Variants in PARVB observed in about 807,000 individuals in gnomAD.
PARVB encodes the protein parvin beta, also known as beta-parvin.
In PARVB, 46 loss-of-function variants were observed where a neutral mutation model predicts 47.0. The observed-to-expected ratio is 0.98, with a 90% CI of 0.77 to 1.25. PARVB has a LOEUF of 1.25. PARVB is among the 50% of genes most tolerant of loss of function. The pLI, the probability that PARVB is intolerant of heterozygous loss-of-function variation, is 0.00. For missense variants in PARVB, 473 were observed against 471.6 expected (o/e 1.00, Z -0.03); for synonymous variants, 196 against 196.3 (o/e 1.00, Z 0.01).
intron 8 of PARVB, chr22:44,140,453 G>A: frequency 1.5e-6 from 1 of 680,132 alleles, no homozygotes; most frequent in Non-Finnish European, 2.8e-6. Context: ...TGGAGCAAGA[G>A]TGGTTGAGGG....
intron 2 of PARVB, 71 bp from the exon 3 acceptor site, chr22:44,099,982 C>A: frequency 1.6e-6 from 2 of 1,248,758 alleles, no homozygotes; most frequent in Non-Finnish European, 2.4e-6. Context: ...GATGAGTTGG[C>A]CTCCCCCTGG....
intron 10 of PARVB, among the ~76,000 whole-genome samples, chr22:44,157,043 T>C (rs1460315814): frequency 6.6e-6 from 1 of 152,242 alleles, no homozygotes; most frequent in Non-Finnish European, 1.5e-5. Context: ...GTATATTTTA[T>C]CACAATAAAA....
intron 10 of PARVB, among the ~76,000 whole-genome samples, chr22:44,156,021 G>A (rs1414190995): frequency 6.6e-6 from 1 of 152,022 alleles, no homozygotes; most frequent in Non-Finnish European, 1.5e-5. Context: ...ATGGTGGCAC[G>A]CGCCTGTAAT....
intron 4 of PARVB, among the ~76,000 whole-genome samples, chr22:44,128,956 T>C (rs535251420): frequency 2.0e-5 from 3 of 152,330 alleles, no homozygotes; most frequent in Middle Eastern, 3.4e-3. Flanking sequence ...CACATGCCTG[T>C]AATCCCAGCT....
At chr22:44,004,424 A>G (rs1037881684) in intron 2 of PARVB, among the ~76,000 whole-genome samples, 1 of 152,184 alleles carries the variant, frequency 6.6e-6, no homozygotes, top group Non-Finnish European at 1.5e-5. Flanking sequence ...AAGTTAAAAG[A>G]GAATATTAAC....
intron 1 of PARVB, among the ~76,000 whole-genome samples, chr22:44,053,884 T>C (rs1035735669): frequency 6.6e-6 from 1 of 151,942 alleles, no homozygotes; most frequent in East Asian, 2.0e-4. Flanking sequence ...AGAGCTTCCA[T>C]GCCCTCTCTG....
chr22:44,024,542 T>G (rs1453349454), intron 1 of PARVB, 91 bp downstream of exon 1: 8 of 499,504 alleles, frequency 1.6e-5, no homozygotes, highest in African/African-American at 2.1e-5. Context: ...GCCCCCGCCC[T>G]CCCCCACGCA....
At chr22:44,094,074 T>C in intron 2 of PARVB, 57 bp downstream of exon 2, 3 of 1,138,226 alleles carry the variant, frequency 2.6e-6, no homozygotes, top group Non-Finnish European at 3.9e-6. Flanking sequence ...TGGCACTAAG[T>C]TGGTCTTGGG....
At chr22:44,048,169 G>A (rs1224564887) in intron 1 of PARVB, among the ~76,000 whole-genome samples, 1 of 152,188 alleles carries the variant, frequency 6.6e-6, no homozygotes, top group Admixed American at 6.5e-5. Context: ...TAGGAGAGGC[G>A]AGACTGAAAT....
chr22:44,097,019 G>A (rs1216029690), intron 2 of PARVB, among the ~76,000 whole-genome samples: 1 of 152,100 alleles, frequency 6.6e-6, no homozygotes, highest in Non-Finnish European at 1.5e-5. Context: ...CCACTGTGGT[G>A]TCCCGGGACT....
chr22:44,066,228 T>C (rs924827060), intron 1 of PARVB, among the ~76,000 whole-genome samples: 1 of 152,204 alleles, frequency 6.6e-6, no homozygotes, highest in Admixed American at 6.5e-5. Context: ...GAGTGCTTTG[T>C]TTTTAGTGAT....
chr22:44,051,997 G>A (rs974967807), intron 1 of PARVB, among the ~76,000 whole-genome samples: 3 of 152,132 alleles, frequency 2.0e-5, no homozygotes, highest in Admixed American at 6.5e-5. Context: ...ACGGATCCTC[G>A]CCTGGAGCCC....
In PARVB at chr22:44,172,890, C is replaced by G; in HGVS notation, c.*4212C>G. ...CAGGGATGCGGTTAGGACAATGCCA[C>G]GTGGCGTCACAGTATGCTGTTATTT... is the stretch of plus-strand genomic sequence containing the variant. On this transcript the variant is annotated 3_prime_UTR_variant, in exon 13 of 13. Coordinates refer to ENST00000338758, the MANE Select transcript of PARVB (RefSeq NM_013327.5). 9.7e-7 allele frequency: 1 copy of G among 1,027,830 alleles called. No homozygotes were observed. 63.7% of individuals were successfully genotyped at this position (1,027,830 alleles called of 1,614,324 possible). A position where few individuals can be genotyped will look rare whatever the true frequency, so the allele number is the denominator to read the frequency against.
At chr22:44,008,956 T>C (rs1182671929) in intron 2 of PARVB, among the ~76,000 whole-genome samples, 1 of 152,064 alleles carries the variant, frequency 6.6e-6, no homozygotes, top group Admixed American at 6.6e-5. Flanking sequence ...ACCACTGTGC[T>C]CCAGCCTGGG....
intron 1 of PARVB, among the ~76,000 whole-genome samples, chr22:44,027,106 G>T (rs130416): frequency 2.0e-5 from 3 of 152,050 alleles, no homozygotes; most frequent in African/African-American, 7.2e-5. Context: ...GAACTGTGAC[G>T]AACTGTGGGC....
At chr22:44,016,579 C>G (rs1460625088) in intron 2 of PARVB, among the ~76,000 whole-genome samples, 4 of 152,138 alleles carry the variant, frequency 2.6e-5, no homozygotes, top group Non-Finnish European at 5.9e-5. Context: ...TCATATACAC[C>G]TTGTACACAG....
At chr22:44,140,578 T>G (rs1193715019) in intron 8 of PARVB, 1 of 523,632 alleles carries the variant, frequency 1.9e-6, no homozygotes, top group Admixed American at 1.9e-5. Context: ...TGGAAACCAC[T>G]GGTTTAGCAG....
At chr22:44,140,492 A>C (rs1376905494) in intron 8 of PARVB, 3 of 614,986 alleles carry the variant, frequency 4.9e-6, no homozygotes, top group Non-Finnish European at 6.2e-6. Flanking sequence ...GGCAGCCAGC[A>C]CATGGAGCGT....
intron 4 of PARVB, among the ~76,000 whole-genome samples, chr22:44,120,560 A>G (rs536928605): frequency 2.6e-5 from 4 of 152,244 alleles, no homozygotes; most frequent in Admixed American, 1.3e-4. Flanking sequence ...GGAGCACACA[A>G]TGTCAGGCTG....
Sources: gnomAD v4.1 joint callset for allele counts (sites outside exome capture counted in the v4.1 genomes callset) on GRCh38, gnomAD v4.1.1 for gene constraint, MANE v1.5 for transcripts, NCBI Gene and HGNC (gene_info 2026-07-23, HGNC 2026-07-21) for gene names.